FANCD2: variants seen among roughly 807,000 people sequenced by gnomAD.
FANCD2 encodes FA complementation group D2, also known as Fanconi anemia group D2 protein.
Under a neutral mutation model 192.3 loss-of-function variants are expected in FANCD2, and 131 were observed. The ratio of observed to expected loss-of-function variants is 0.68; its 90% confidence interval spans 0.59 to 0.79. The LOEUF (loss-of-function observed/expected upper bound fraction) is 0.79, where lower values mean the gene tolerates loss of function less well. FANCD2 is among the 30% of genes least tolerant of loss of function. FANCD2 has a pLI of 0.00. For missense variants in FANCD2, 1,508 were observed against 1,701.6 expected (o/e 0.89, Z 2.00); for synonymous variants, 524 against 612.5 (o/e 0.86, Z 2.13).
Position 10,067,308 on chromosome 3 carries a change from T to C in FANCD2, c.2485T>C (p.Tyr829His). 6.2e-7 allele frequency: 1 copy of C among 1,606,092 alleles called. No individual in the cohort carries two copies. Among genetic ancestry groups the C allele is most frequent in the Non-Finnish European group, 8.5e-7 (1 of 1,173,062 alleles). The part of the protein sequence containing the change: ...IVELQIILEK[Y>H]LAVTPDYVPP... The stretch of plus-strand genomic sequence containing the variant: ...AGAATTGCAAATAATCCTGGAAAAG[T>C]ACTTGGCAGGTAAGAGAAGTGTCCT... The change falls in exon 26 of 44, where the codon TAC (tyrosine) becomes CAC (histidine). Residue 829 changes from tyrosine to histidine, a missense_variant. Tyr to His is a moderately conservative substitution (Grantham distance 83, BLOSUM62 2). Transcript: ENST00000675286.
At chr3:10,099,117 A>G in intron 43 of FANCD2, 2 of 1,495,352 alleles carry the variant, frequency 1.3e-6, no homozygotes, top group Non-Finnish European at 8.9e-7. Context: ...TTTAGAAGGG[A>G]GAAGTCATCG....
At chr3:10,079,526 G>A (rs1478441265) in intron 30 of FANCD2, among the ~76,000 whole-genome samples, 6 of 152,070 alleles carry the variant, frequency 3.9e-5, no homozygotes, top group Admixed American at 6.6e-5. Flanking sequence ...GGCTGATCTC[G>A]AACTCCTGAC....
chr3:10,047,071 A>G (rs1190615951), intron 15 of FANCD2, among the ~76,000 whole-genome samples: 1 of 152,296 alleles, frequency 6.6e-6, no homozygotes, highest in Non-Finnish European at 1.5e-5. Flanking sequence ...TCAAAGTGGA[A>G]TTTTATAAGC....
intron 43 of FANCD2, among the ~76,000 whole-genome samples, chr3:10,100,179 CAAAAT>C (rs1218428680): frequency 1.3e-5 from 2 of 152,108 alleles, no homozygotes; most frequent in Non-Finnish European, 2.9e-5. Flanking sequence ...GACCCTGTCT[CAAAAT>C]AAAAAAGTTA....
intron 26 of FANCD2, among the ~76,000 whole-genome samples, chr3:10,069,319 A>G (rs187448960): frequency 8.5e-5 from 13 of 152,342 alleles, no homozygotes; most frequent in African/African-American, 2.9e-4. Flanking sequence ...GGATTGAAAA[A>G]TGGGTAAAAG....
intron 28 of FANCD2, among the ~76,000 whole-genome samples, chr3:10,074,041 G>A (rs1222773959): frequency 6.6e-6 from 1 of 152,150 alleles, no homozygotes; most frequent in Non-Finnish European, 1.5e-5. Flanking sequence ...CACCTCCCGG[G>A]TTCAAGCGAT....
At chr3:10,054,025 C>A (rs1439960823) in intron 18 of FANCD2, among the ~76,000 whole-genome samples, 6 of 151,802 alleles carry the variant, frequency 4.0e-5, no homozygotes, top group Non-Finnish European at 7.4e-5. Context: ...AGCCTGGGCA[C>A]CATGGTGAAA....
intron 2 of FANCD2, among the ~76,000 whole-genome samples, chr3:10,030,692 G>T (rs2086569987): frequency 6.6e-6 from 1 of 152,092 alleles, no homozygotes; most frequent in Non-Finnish European, 1.5e-5. Flanking sequence ...CTGAGGTCAG[G>T]AGTTCAAGAT....
chr3:10,034,481 T>C lies in FANCD2; in HGVS notation c.218T>C (p.Ile73Thr). 1.2e-6 allele frequency: 2 copies of C among 1,612,728 alleles called. No homozygotes were observed. The highest frequency in any genetic ancestry group is 2.2e-5 in the East Asian group (1 of 44,858). The change falls in exon 4 of 44, where the codon ATA becomes ACA. Residue 73 changes from isoleucine to threonine, a missense_variant. By Grantham distance (89) the Ile-to-Thr change is moderately conservative. Transcript: ENST00000675286. ...TTTTTCTGCATAGCTGTGGATCAAA[T>C]AGCTTTCCAAAAGAAGCTCTTTCAG... ...ESQNQLAVDQ[I>T]AFQKKLFQTL...
chr3:10,093,693 C>T (rs1436683675), intron 39 of FANCD2, among the ~76,000 whole-genome samples: 4 of 152,142 alleles, frequency 2.6e-5, no homozygotes, highest in Admixed American at 2.6e-4. Context: ...ATCTGATATC[C>T]TGATAATTGC....
At position 10,064,383 on chromosome 3, in the gene FANCD2, GA is replaced by G; in HGVS notation, c.1976del (p.Asp659ValfsTer7). ...LEWVGHTICN[D>X]FQDAFVVDSC... The stretch of plus-strand genomic sequence containing the variant: ...ATGGGTTGGGCATACCATCTGTAAT[GA>G]TTTCCAGGATGCCTTCGTAGTGGAC... On this transcript the variant is annotated frameshift_variant, in exon 22 of 44. Coordinates refer to ENST00000675286, the MANE Select transcript of FANCD2 (RefSeq NM_001018115.3). LOFTEE classifies it high-confidence loss of function. 2.5e-6 allele frequency: 4 copies of G among 1,613,622 alleles called. No individual in the cohort carries two copies. Among genetic ancestry groups the G allele is most frequent in the Non-Finnish European group, 3.4e-6 (4 of 1,179,518 alleles).
chr3:10,098,578 A>G, intron 42 of FANCD2, 142 bp from the exon 43 acceptor site: 1 of 971,114 alleles, frequency 1.0e-6, no homozygotes, highest in Non-Finnish European at 1.5e-6. Flanking sequence ...TAGATGCTGA[A>G]TCACAAGTTG....
intron 7 of FANCD2, among the ~76,000 whole-genome samples, chr3:10,036,759 T>A (rs1394247761): frequency 6.6e-6 from 1 of 152,042 alleles, no homozygotes; most frequent in African/African-American, 2.4e-5. Context: ...AATATACTGG[T>A]AATGGTAGTT....
intron 23 of FANCD2, 116 bp from the exon 24 acceptor site, chr3:10,065,278 G>A: frequency 1.3e-6 from 1 of 778,670 alleles, no homozygotes; most frequent in Non-Finnish European, 2.3e-6. Context: ...GACAGAGCAA[G>A]ACTCTGTCTC....
At chr3:10,079,268 A>C (rs893172572) in intron 30 of FANCD2, among the ~76,000 whole-genome samples, 1 of 151,810 alleles carries the variant, frequency 6.6e-6, no homozygotes, top group African/African-American at 2.4e-5. Context: ...AAAAATAGGA[A>C]GTCTGAAACA....
intron 14 of FANCD2, among the ~76,000 whole-genome samples, chr3:10,044,889 T>C (rs185137247): frequency 1.3e-5 from 2 of 152,364 alleles, no homozygotes; most frequent in Non-Finnish European, 2.9e-5. Flanking sequence ...ATATAATTTG[T>C]ATTCTTACTT....
chr3:10,075,574 T>A (rs1299731524), intron 29 of FANCD2, among the ~76,000 whole-genome samples: 1 of 152,134 alleles, frequency 6.6e-6, no homozygotes, highest in Non-Finnish European at 1.5e-5. Flanking sequence ...ATATAGAAGT[T>A]GGGAGTAGAG....
intron 34 of FANCD2, 87 bp downstream of exon 34, chr3:10,087,351 A>G (rs1176727253): frequency 1.6e-6 from 2 of 1,288,750 alleles, no homozygotes; most frequent in Non-Finnish European, 2.1e-6. Flanking sequence ...TTCCCAGGAC[A>G]TTTTTACATG....
chr3:10,096,417 TCAA>T lies in FANCD2; in HGVS notation c.4134_4136del (p.Asn1379del). 1 of 1,614,160 alleles carries T rather than the reference TCAA, an allele frequency of 6.2e-7. No homozygotes were observed. Among genetic ancestry groups the T allele is most frequent in the Non-Finnish European group, 8.5e-7 (1 of 1,180,006 alleles). On this transcript the variant is annotated inframe_deletion, in exon 42 of 44. Coordinates refer to ENST00000675286, the MANE Select transcript of FANCD2 (RefSeq NM_001018115.3). ...TGCAGAGTCAAAGCTATGCTCACTC[TCAA>T]CAATTGTAGAGAGGCTTTCTGGCTG... is the stretch of plus-strand genomic sequence containing the variant.
Sources: gnomAD v4.1 joint callset for allele counts (sites outside exome capture counted in the v4.1 genomes callset) on GRCh38, gnomAD v4.1.1 for gene constraint, MANE v1.5 for transcripts, NCBI Gene and HGNC (gene_info 2026-07-23, HGNC 2026-07-21) for gene names.